DGKB: variants seen among roughly 807,000 people sequenced by gnomAD.
DGKB encodes the protein diacylglycerol kinase beta, also known as 90 kDa diacylglycerol kinase.
A neutral mutation model predicts 114.3 loss-of-function variants in DGKB; 67 were observed. That is an observed-to-expected ratio of 0.59 (90% CI 0.48 to 0.72). DGKB has a LOEUF of 0.72. Ranked by LOEUF, DGKB falls within the 30% of genes least tolerant of loss-of-function variation. DGKB has a pLI of 0.00. For synonymous variants in DGKB, 398 were observed against 323.1 expected, an observed-to-expected ratio of 1.23 and a Z score of -2.49; for missense variants, 907 against 975.2, an observed-to-expected ratio of 0.93 and a Z score of 0.93.
chr7:14,761,993 T>C (rs1438192598), intron 2 of DGKB, among the ~76,000 whole-genome samples: 2 of 152,160 alleles, frequency 1.3e-5, no homozygotes. Context: ...GAGGTTCCTA[T>C]GCTTGGCTTG....
At chr7:14,743,466 A>C (rs1359381063) in intron 4 of DGKB, among the ~76,000 whole-genome samples, 1 of 152,180 alleles carries the variant, frequency 6.6e-6, no homozygotes, top group Non-Finnish European at 1.5e-5. Flanking sequence ...TCTAACATTT[A>C]ACAGGCTTCC....
At chr7:14,446,662 C>G (rs1435693818) in intron 21 of DGKB, among the ~76,000 whole-genome samples, 1 of 152,130 alleles carries the variant, frequency 6.6e-6, no homozygotes, top group Non-Finnish European at 1.5e-5. Context: ...TTACTTAGCT[C>G]AATATTTGCT....
intron 2 of DGKB, among the ~76,000 whole-genome samples, chr7:14,809,101 T>G (rs930964171): frequency 2.0e-5 from 3 of 152,138 alleles, no homozygotes; most frequent in Non-Finnish European, 4.4e-5. Flanking sequence ...TAGTATTATC[T>G]TTACAGCTAC....
At chr7:14,773,614 C>T (rs1562498938) in intron 2 of DGKB, among the ~76,000 whole-genome samples, 2 of 152,032 alleles carry the variant, frequency 1.3e-5, no homozygotes, top group Non-Finnish European at 2.9e-5. Flanking sequence ...TTGTTAGCTG[C>T]TCTAAATAAG....
chr7:14,620,809 T>C (rs1807490549), intron 15 of DGKB, among the ~76,000 whole-genome samples: 1 of 151,812 alleles, frequency 6.6e-6, no homozygotes, highest in East Asian at 1.9e-4. Context: ...TATATAATAG[T>C]ATTAAAAAAT....
At chr7:14,651,310 G>A (rs1814438404) in intron 13 of DGKB, among the ~76,000 whole-genome samples, 1 of 151,852 alleles carries the variant, frequency 6.6e-6, no homozygotes, top group Admixed American at 6.6e-5. Flanking sequence ...ATGATCAAGT[G>A]GGCTTCATCC....
chr7:14,479,115 A>G (rs1782622328), intron 20 of DGKB, among the ~76,000 whole-genome samples: 1 of 152,144 alleles, frequency 6.6e-6, no homozygotes, highest in East Asian at 1.9e-4. Flanking sequence ...GAACTAATAT[A>G]TTTACCAGTC....
chr7:14,821,849 T>C (rs1844983369), intron 2 of DGKB, among the ~76,000 whole-genome samples: 1 of 152,148 alleles, frequency 6.6e-6, no homozygotes, highest in South Asian at 2.1e-4. Context: ...CCTGTGGTAG[T>C]TCAGGAAAGA....
At chr7:14,520,270 T>TA (rs912206356) in intron 20 of DGKB, among the ~76,000 whole-genome samples, 6 of 150,624 alleles carry the variant, frequency 4.0e-5, no homozygotes, top group Non-Finnish European at 5.9e-5. Flanking sequence ...TCTTATCTTA[T>TA]AAAAAAACTA....
At chr7:14,865,381 T>C (rs1851560864) in intron 1 of DGKB, among the ~76,000 whole-genome samples, 3 of 152,172 alleles carry the variant, frequency 2.0e-5, no homozygotes, top group Admixed American at 1.3e-4. Context: ...CCTGCCTGCA[T>C]GTGGATAGTG....
chr7:14,898,719 T>C (rs1331070561), intron 1 of DGKB, among the ~76,000 whole-genome samples: 1 of 152,032 alleles, frequency 6.6e-6, no homozygotes, highest in East Asian at 1.9e-4. Context: ...GGGCCAACAA[T>C]GTGAATGTAT....
intron 20 of DGKB, among the ~76,000 whole-genome samples, chr7:14,516,639 A>G (rs1321276234): frequency 6.6e-6 from 1 of 152,160 alleles, no homozygotes; most frequent in Non-Finnish European, 1.5e-5. Flanking sequence ...TGTGGCCATT[A>G]TGAATGGGAT....
In DGKB at chr7:14,211,318, A is replaced by ACTCTCATGTTTTGTGAT. The variant is rs1562627321; in HGVS notation, c.2123-33168_2123-33167insATCACAAAACATGAGAG. On this transcript the variant is annotated intron_variant, in intron 23 of 25. Transcript: ENST00000402815. The stretch of plus-strand genomic sequence containing the variant: ...GATATTTACTCTCATGTTTTGTGAT[A>ACTCTCATGTTTTGTGAT]TTTACTCTCATGTTTTGTGATTTTA... Among the ~76,000 whole-genome samples, 47 of 57,764 alleles carry ACTCTCATGTTTTGTGAT rather than the reference A, an allele frequency of 8.1e-4. 1 individual carries two copies. Among genetic ancestry groups the ACTCTCATGTTTTGTGAT allele is most frequent in the African/African-American group, 6.9e-3 (25 of 3,622 alleles). The allele number at this position is 57,764 out of a possible 152,430, so 37.9% of individuals were successfully genotyped here.
In DGKB at chr7:14,704,653, C is replaced by A. The variant is rs1825858047; in HGVS notation, c.467-2923G>T. Among the ~76,000 whole-genome samples the A allele has an allele frequency of 2.6e-5, 4 of 152,134 alleles. No homozygotes were observed. The South Asian group carries it at 6.2e-4, about 24-fold the overall frequency. ...CGGCAGACTGCCTCTTCAAGTGGGT[C>A]CCTAACCCCTGACCCCTGAGCAGCC... On this transcript the variant is annotated intron_variant, in intron 6 of 25. Coordinates refer to ENST00000402815, the MANE Select transcript of DGKB (RefSeq NM_001350709.2).
At chr7:14,735,094 T>C (rs896058358) in intron 5 of DGKB, among the ~76,000 whole-genome samples, 11 of 152,156 alleles carry the variant, frequency 7.2e-5, no homozygotes, top group African/African-American at 2.7e-4. Context: ...CTCTAGTCTC[T>C]AGCTCATGTC....
intron 9 of DGKB, among the ~76,000 whole-genome samples, chr7:14,689,196 CTTATTTTTT>C (rs1055110232): frequency 6.2e-5 from 5 of 80,304 alleles, no homozygotes; most frequent in Non-Finnish European, 1.2e-4. Flanking sequence ...AGAAACTCCT[CTTATTTTTT>C]TTTTTTTTTT....
intron 20 of DGKB, among the ~76,000 whole-genome samples, chr7:14,538,817 C>T (rs1792956239): frequency 6.6e-6 from 1 of 152,028 alleles, no homozygotes. Context: ...GATGGAAATC[C>T]TAGCATTTGT....
At chr7:14,947,581 G>T (rs1785954284) in intron 1 of DGKB, among the ~76,000 whole-genome samples, 1 of 71,630 alleles carries the variant, frequency 1.4e-5, no homozygotes, top group Non-Finnish European at 2.5e-5. Context: ...GGAGAAAAAT[G>T]TTCTTCCTCA....
intron 1 of DGKB, among the ~76,000 whole-genome samples, chr7:14,890,846 T>C (rs751335986): frequency 6.8e-6 from 1 of 147,046 alleles, no homozygotes; most frequent in African/African-American, 2.5e-5. Flanking sequence ...TGAATACCCA[T>C]GACCAATTCA....
Sources: allele counts gnomAD v4.1 joint callset (sites outside exome capture counted in the v4.1 genomes callset), GRCh38; gene constraint gnomAD v4.1.1; transcripts MANE v1.5; gene names NCBI Gene and HGNC (gene_info 2026-07-23, HGNC 2026-07-21).